The following GDAP1L1 variants were observed in gnomAD, a reference collection of about 807,000 sequenced individuals.
The protein encoded by GDAP1L1 is ganglioside-induced differentiation-associated protein 1-like 1.
Under a neutral mutation model 37.1 loss-of-function variants are expected in GDAP1L1, and 21 were observed. The observed-to-expected ratio is 0.57, with a 90% confidence interval of 0.40 to 0.81. GDAP1L1 has a LOEUF of 0.81. GDAP1L1 is among the 40% of genes least tolerant of loss of function. The pLI, the probability that GDAP1L1 is intolerant of heterozygous loss-of-function variation, is 0.00. For missense variants in GDAP1L1, 362 were observed against 491.6 expected (o/e 0.74, Z 2.49); for synonymous variants, 193 against 209.1 (o/e 0.92, Z 0.67).
chr20:44,270,767 G>T (rs2062507014), intron 5 of GDAP1L1, among the ~76,000 whole-genome samples: 1 of 152,156 alleles, frequency 6.6e-6, no homozygotes, highest in Admixed American at 6.5e-5. Context: ...TTACAGCATG[G>T]CTGCTGGCTT....
At chr20:44,254,395 C>A (rs1352322100) in intron 1 of GDAP1L1, among the ~76,000 whole-genome samples, 1 of 152,214 alleles carries the variant, frequency 6.6e-6, no homozygotes, top group Non-Finnish European at 1.5e-5. Context: ...ATGCTGCCCC[C>A]AGGCTGCTCA....
intron 5 of GDAP1L1, among the ~76,000 whole-genome samples, chr20:44,270,167 T>G (rs1194341307): frequency 7.3e-6 from 1 of 137,652 alleles, no homozygotes; most frequent in Non-Finnish European, 1.6e-5. Context: ...GTCTTAAATT[T>G]TTTTTTTTTT....
At chr20:44,274,334 T>C (rs1260109759) in intron 5 of GDAP1L1, among the ~76,000 whole-genome samples, 1 of 152,184 alleles carries the variant, frequency 6.6e-6, no homozygotes, top group Non-Finnish European at 1.5e-5. Flanking sequence ...ATGAAAATGC[T>C]CTTGACTTGT....
At chr20:44,261,196 GC>G (rs1380989787) in intron 3 of GDAP1L1, among the ~76,000 whole-genome samples, 4 of 152,252 alleles carry the variant, frequency 2.6e-5, no homozygotes, top group African/African-American at 9.6e-5. Flanking sequence ...GTAGAAGCCA[GC>G]CTGCAGCGAC....
chr20:44,267,218 A>G (rs2146033116), intron 5 of GDAP1L1, among the ~76,000 whole-genome samples: 1 of 152,160 alleles, frequency 6.6e-6, no homozygotes, highest in East Asian at 1.9e-4. Context: ...CCCCATAACA[A>G]CCCCAGGAGG....
At chr20:44,271,878 C>G (rs1182724304) in intron 5 of GDAP1L1, among the ~76,000 whole-genome samples, 1 of 152,160 alleles carries the variant, frequency 6.6e-6, no homozygotes, top group Non-Finnish European at 1.5e-5. Flanking sequence ...CTTTACCAAG[C>G]CACAGGCAGG....
chr20:44,253,527 T>G (rs887916381), intron 1 of GDAP1L1, among the ~76,000 whole-genome samples: 4 of 152,214 alleles, frequency 2.6e-5, no homozygotes, highest in African/African-American at 7.2e-5. Flanking sequence ...AACAAGGGCC[T>G]GGGTGAGGAG....
chr20:44,276,462 A>AAGAAAGAAAGAAAGAG (rs1714713034), intron 5 of GDAP1L1, among the ~76,000 whole-genome samples: 1 of 151,434 alleles, frequency 6.6e-6, no homozygotes, highest in South Asian at 2.1e-4. Context: ...GAAAGAAAGA[A>AAGAAAGAAAGAAAGAG]AGAAAAAGAA....
intron 5 of GDAP1L1, chr20:44,265,493 G>C (rs568942581): frequency 1.4e-3 from 1,418 of 984,866 alleles, no homozygotes; most frequent in Non-Finnish European, 1.6e-3. Flanking sequence ...TGGGAAGGCC[G>C]TAGAGCCCAG....
chr20:44,247,278 G>C, upstream of GDAP1L1: 10 of 1,570,704 alleles, frequency 6.4e-6, no homozygotes, highest in Admixed American at 3.4e-5. Flanking sequence ...GATGCTGGGC[G>C]AGAGAGAGCC....
intron 5 of GDAP1L1, among the ~76,000 whole-genome samples, chr20:44,268,332 A>G (rs146201069): frequency 2.3e-4 from 35 of 152,368 alleles, no homozygotes; most frequent in African/African-American, 7.9e-4. Flanking sequence ...TTGTTAAGAT[A>G]GTAAATGTTG....
At chr20:44,258,048 C>T (rs1369874586) in intron 2 of GDAP1L1, 8 of 660,636 alleles carry the variant, frequency 1.2e-5, no homozygotes, top group African/African-American at 1.8e-5. Flanking sequence ...GGCTCAGACA[C>T]CCACTGGGAG....
rs1289519375 is a variant in GDAP1L1, at chr20:44,279,305, A to G, written c.*5A>G. ...CTCAAGAAAAAATACATCTAGGGCCAGGCCTGGGGCTTGGTGTCTGACTGT... is the reference window on the plus strand; with the variant it reads ...CTCAAGAAAAAATACATCTAGGGCCGGGCCTGGGGCTTGGTGTCTGACTGT... On this transcript the variant is annotated 3_prime_UTR_variant, in exon 6 of 6. Transcript: ENST00000342560. The G allele has an allele frequency of 1.9e-6, 3 of 1,578,744 alleles. No individual in the cohort carries two copies. In the Admixed American group the frequency reaches 5.1e-5, roughly 27 times the overall value.
At position 44,258,596 on chromosome 20, in the gene GDAP1L1, C is replaced by T. The variant is rs755864204; in HGVS notation, c.536C>T (p.Ala179Val). Residue 179 changes from alanine (A) to valine (V), a missense_variant, in exon 3 of 6, where the codon GCC becomes GTC. Ala to Val is a moderately conservative substitution (Grantham distance 64, BLOSUM62 0). Around this residue, in one of 2 missense-constraint regions of GDAP1L1, gnomAD observed 277 missense variants for 337.1 expected, o/e 0.82. Coordinates refer to ENST00000342560, the MANE Select transcript of GDAP1L1 (RefSeq NM_024034.6). ...TDSMIPKYAT[A>V]EIRRHLANAT... The stretch of plus-strand genomic sequence containing the variant: ...TCCATGATCCCCAAGTACGCCACGG[C>T]CGAGATCCGCAGTGAGTGCCAGGGC... The T allele has an allele frequency of 6.2e-7, 1 of 1,600,218 alleles. No homozygotes were observed.
chr20:44,251,848 GA>G (rs60018492), intron 1 of GDAP1L1, among the ~76,000 whole-genome samples: 13,079 of 152,190 alleles, frequency 0.086, 1,165 homozygotes, highest in East Asian at 0.36. Context: ...AGATTAGAAC[GA>G]AAACCAATCG....
chr20:44,266,243 G>T (rs898198882), intron 5 of GDAP1L1, among the ~76,000 whole-genome samples: 1 of 152,140 alleles, frequency 6.6e-6, no homozygotes, highest in Non-Finnish European at 1.5e-5. Flanking sequence ...GGGAGGCAGA[G>T]GTTGCAGTGA....
In GDAP1L1 at chr20:44,248,327, C is replaced by G. The variant is rs557182452; in HGVS notation, c.180+813C>G. ...AATCTCCCACCCTGGGCGGTTGTCCCGTCTCTGGGCCACGGATTCAGCACC... is the reference window on the plus strand; with the variant it reads ...AATCTCCCACCCTGGGCGGTTGTCCGGTCTCTGGGCCACGGATTCAGCACC... On this transcript the variant is annotated intron_variant, in intron 1 of 5. Coordinates refer to ENST00000342560, the MANE Select transcript of GDAP1L1 (RefSeq NM_024034.6). 5.9e-5 allele frequency among the ~76,000 whole-genome samples: 9 copies of G among 152,376 alleles called. No homozygotes were observed. The South Asian group carries it at 1.4e-3, about 25-fold the overall frequency.
At chr20:44,276,355 A>AAGGAAGGAAGGAAGGAAGG in intron 5 of GDAP1L1, among the ~76,000 whole-genome samples, 1 of 130,338 alleles carries the variant, frequency 7.7e-6, no homozygotes, top group Admixed American at 8.8e-5. Flanking sequence ...AGAAAGAAGG[A>AAGGAAGGAAGGAAGGAAGG]AAGGAAGGAA....
intron 1 of GDAP1L1, among the ~76,000 whole-genome samples, chr20:44,252,306 G>C (rs2073460201): frequency 3.3e-5 from 5 of 152,202 alleles, no homozygotes; most frequent in Admixed American, 3.3e-4. Context: ...GAGGTCAGGA[G>C]TTTGAGACCA....
Sources: allele counts gnomAD v4.1 joint callset (sites outside exome capture counted in the v4.1 genomes callset), GRCh38; gene constraint gnomAD v4.1.1; regional missense constraint gnomAD v4.1.1; transcripts MANE v1.5; gene names NCBI Gene and HGNC (gene_info 2026-07-23, HGNC 2026-07-21).